CA10: variants seen among roughly 807,000 people sequenced by gnomAD.
The protein encoded by CA10 is carbonic anhydrase-related protein 10.
A neutral mutation model predicts 44.2 loss-of-function variants in CA10; 14 were observed. That is an observed-to-expected ratio of 0.32 (90% CI 0.21 to 0.50). The LOEUF (loss-of-function observed/expected upper bound fraction) is 0.50. Among genes scored for constraint, CA10 ranks in the 20% least tolerant of loss-of-function variants. The pLI is 0.99. For synonymous variants in CA10, 159 were observed against 141.6 expected, an observed-to-expected ratio of 1.12 and a Z score of -0.87; for missense variants, 350 against 409.7, an observed-to-expected ratio of 0.85 and a Z score of 1.26.
intron 2 of CA10, among the ~76,000 whole-genome samples, chr17:52,000,191 G>A (rs955827869): frequency 1.3e-5 from 2 of 152,078 alleles, no homozygotes; most frequent in Non-Finnish European, 2.9e-5. Flanking sequence ...TTCATGATGT[G>A]AGCAACATTT....
At chr17:51,776,522 T>C (rs1905826623) in intron 3 of CA10, among the ~76,000 whole-genome samples, 1 of 152,206 alleles carries the variant, frequency 6.6e-6, no homozygotes, top group South Asian at 2.1e-4. Flanking sequence ...ATAAAAATTA[T>C]TAATATTTTA....
intron 2 of CA10, among the ~76,000 whole-genome samples, chr17:51,940,777 A>G (rs1025087802): frequency 3.3e-4 from 50 of 151,764 alleles, no homozygotes; most frequent in African/African-American, 1.1e-3. Flanking sequence ...CTCCTGTGCT[A>G]TACTTCCTCC....
At chr17:51,842,591 T>C (rs1458245547) in intron 3 of CA10, among the ~76,000 whole-genome samples, 1 of 152,238 alleles carries the variant, frequency 6.6e-6, no homozygotes, top group Admixed American at 6.5e-5. Context: ...CTAGGTTTAC[T>C]TGTTGGAAAC....
intron 2 of CA10, among the ~76,000 whole-genome samples, chr17:52,051,126 AAAG>A (rs1191036775): frequency 6.6e-6 from 1 of 151,440 alleles, no homozygotes; most frequent in African/African-American, 2.4e-5. Flanking sequence ...AAAGAAAAGA[AAAG>A]AAAGGAAGAA....
At chr17:51,933,481 T>G (rs1278426803) in intron 2 of CA10, among the ~76,000 whole-genome samples, 1 of 152,122 alleles carries the variant, frequency 6.6e-6, no homozygotes, top group Non-Finnish European at 1.5e-5. Flanking sequence ...ATTCTCCACC[T>G]AGAGCTTCCT....
chr17:51,804,836 T>C (rs1018232735), intron 3 of CA10, among the ~76,000 whole-genome samples: 1 of 152,252 alleles, frequency 6.6e-6, no homozygotes, highest in Admixed American at 6.5e-5. Flanking sequence ...AAATCAACCA[T>C]AAGGGTTTTA....
At chr17:51,959,282 C>CTCTCTCTCTCTGTGTGTG (rs748461115) in intron 2 of CA10, among the ~76,000 whole-genome samples, 2 of 134,370 alleles carry the variant, frequency 1.5e-5, no homozygotes, top group Admixed American at 7.6e-5. Flanking sequence ...CTCTCTCTCT[C>CTCTCTCTCTCTGTGTGTG]TGTGTGTGTG....
intron 1 of CA10, among the ~76,000 whole-genome samples, chr17:52,115,125 A>T (rs1988864887): frequency 6.6e-6 from 1 of 152,230 alleles, no homozygotes; most frequent in Admixed American, 6.5e-5. Flanking sequence ...CACCTTATGC[A>T]GGGGAGGAGC....
chr17:51,838,242 T>C (rs1978293640), intron 3 of CA10, among the ~76,000 whole-genome samples: 1 of 152,242 alleles, frequency 6.6e-6, no homozygotes, highest in African/African-American at 2.4e-5. Flanking sequence ...GGCTCTGCGT[T>C]CTGAATTTAG....
chr17:51,733,022 T>C (rs1916774820), intron 4 of CA10, among the ~76,000 whole-genome samples: 1 of 152,088 alleles, frequency 6.6e-6, no homozygotes. Flanking sequence ...AAAGGTATTC[T>C]AGTAAATCCC....
chr17:52,034,026 C>A (rs1986545422), intron 2 of CA10, among the ~76,000 whole-genome samples: 1 of 152,122 alleles, frequency 6.6e-6, no homozygotes, highest in African/African-American at 2.4e-5. Flanking sequence ...GACAAAAATT[C>A]AGGAAGGGGT....
chr17:51,738,611 T>TAAA (rs1916989448), intron 4 of CA10, among the ~76,000 whole-genome samples: 1 of 152,036 alleles, frequency 6.6e-6, no homozygotes, highest in Non-Finnish European at 1.5e-5. Context: ...TTCTCAGGGG[T>TAAA]GATTTGGTGA....
At chr17:51,709,735 A>C (rs936434690) in intron 4 of CA10, among the ~76,000 whole-genome samples, 2 of 152,226 alleles carry the variant, frequency 1.3e-5, no homozygotes, top group Non-Finnish European at 2.9e-5. Flanking sequence ...TGACTGAATT[A>C]GATGGAGGTA....
chr17:51,836,797 GGGGAGGGGTTTGATA>G (rs1411672139), intron 3 of CA10, among the ~76,000 whole-genome samples: 1 of 152,180 alleles, frequency 6.6e-6, no homozygotes, highest in African/African-American at 2.4e-5. Flanking sequence ...GGCAATTGAT[GGGGAGGGGTTTGATA>G]GGGAGGGTGT....
chr17:51,940,298 T>C (rs1983028007), intron 2 of CA10, among the ~76,000 whole-genome samples: 3 of 152,132 alleles, frequency 2.0e-5, no homozygotes, highest in South Asian at 4.1e-4. Flanking sequence ...GTAACATTTA[T>C]GGTAATTTAT....
chr17:51,759,866 T>C (rs1208727169), intron 3 of CA10, among the ~76,000 whole-genome samples: 2 of 152,216 alleles, frequency 1.3e-5, no homozygotes, highest in Non-Finnish European at 2.9e-5. Context: ...ATTATAAAGA[T>C]ATAGCACTAA....
At chr17:52,031,162 T>G (rs1986455402) in intron 2 of CA10, among the ~76,000 whole-genome samples, 1 of 151,780 alleles carries the variant, frequency 6.6e-6, no homozygotes, top group African/African-American at 2.4e-5. Flanking sequence ...ACTCTTTTTT[T>G]TTTTTTTGAG....
At chr17:52,093,951 G>T (rs1431376450) in intron 1 of CA10, among the ~76,000 whole-genome samples, 2 of 151,926 alleles carry the variant, frequency 1.3e-5, no homozygotes, top group Non-Finnish European at 2.9e-5. Context: ...GCAAGATTCA[G>T]CTCTAAAGAT....
At chr17:51,763,914 C>T (rs1345219419) in intron 3 of CA10, among the ~76,000 whole-genome samples, 1 of 151,860 alleles carries the variant, frequency 6.6e-6, no homozygotes, top group Non-Finnish European at 1.5e-5. Context: ...TATTCTGACC[C>T]CTCCTCTCTG....
Sources: allele counts gnomAD v4.1 joint callset (sites outside exome capture counted in the v4.1 genomes callset), GRCh38; gene constraint gnomAD v4.1.1; transcripts MANE v1.5; gene names NCBI Gene and HGNC (gene_info 2026-07-23, HGNC 2026-07-21).